TTC28: variants seen among roughly 807,000 people sequenced by gnomAD.
The protein encoded by TTC28 is tetratricopeptide repeat protein 28.
In TTC28, 61 loss-of-function variants were observed where a neutral mutation model predicts 198.0. That is an observed-to-expected ratio of 0.31 (90% CI 0.25 to 0.38). The LOEUF is 0.38. Ranked by LOEUF, TTC28 falls within the 10% of genes least tolerant of loss-of-function variation. The pLI is 1.00. For missense variants in TTC28, 2,678 were observed against 3,164.0 expected (o/e 0.85, Z 3.69); for synonymous variants, 1,171 against 1,297.8 (o/e 0.90, Z 2.10).
chr22:28,341,898 G>A (rs765581997), intron 2 of TTC28, among the ~76,000 whole-genome samples: 2 of 152,090 alleles, frequency 1.3e-5, no homozygotes, highest in Non-Finnish European at 2.9e-5. Flanking sequence ...AAGATGGCTC[G>A]GGCCCAGGAG....
chr22:28,573,651 T>C (rs1232262099), intron 2 of TTC28, among the ~76,000 whole-genome samples: 2 of 152,104 alleles, frequency 1.3e-5, no homozygotes, highest in Non-Finnish European at 2.9e-5. Flanking sequence ...GCAGGGTAAA[T>C]GGGGTATCTA....
chr22:28,605,814 C>T (rs1266357527), intron 2 of TTC28, among the ~76,000 whole-genome samples: 2 of 151,950 alleles, frequency 1.3e-5, no homozygotes, highest in African/African-American at 4.8e-5. Context: ...AAAAAGTATC[C>T]CTTTTTAGGA....
chr22:28,337,074 T>C (rs1194849134), intron 2 of TTC28, among the ~76,000 whole-genome samples: 1 of 152,228 alleles, frequency 6.6e-6, no homozygotes. Flanking sequence ...AACATCTTTA[T>C]TTCTGCCTTC....
chr22:28,274,451 TA>T (rs572032191), intron 5 of TTC28, among the ~76,000 whole-genome samples: 17 of 152,284 alleles, frequency 1.1e-4, no homozygotes, highest in African/African-American at 3.8e-4. Context: ...CAAAAGACAC[TA>T]AGGGATGAGA....
intron 2 of TTC28, among the ~76,000 whole-genome samples, chr22:28,312,630 G>C (rs1601614135): frequency 1.3e-5 from 2 of 152,144 alleles, no homozygotes; most frequent in East Asian, 3.9e-4. Context: ...ATAACAAAAT[G>C]AAGGCAGAAA....
chr22:28,058,444 C>T (rs192085379), intron 12 of TTC28, among the ~76,000 whole-genome samples: 52 of 152,092 alleles, frequency 3.4e-4, no homozygotes, highest in Non-Finnish European at 1.5e-5. Flanking sequence ...GCAAAGTATA[C>T]TAACTGATTT....
chr22:28,521,012 G>A lies in TTC28; in HGVS notation c.381+108540C>T, dbSNP rs921575605. 4.6e-5 allele frequency among the ~76,000 whole-genome samples: 7 copies of A among 151,790 alleles called. No homozygotes were observed. In the South Asian group the frequency reaches 6.2e-4, roughly 14 times the overall value. ...AGGTTGCAGTGAGCCAAAATGTGCC[G>A]CTGCACTCCAGCCTGGGTGACAGGG... On this transcript the variant is annotated intron_variant, in intron 2 of 22. Transcript: ENST00000397906.
chr22:28,426,313 A>G (rs988267988), intron 2 of TTC28, among the ~76,000 whole-genome samples: 6 of 152,156 alleles, frequency 3.9e-5, no homozygotes, highest in Admixed American at 3.3e-4. Flanking sequence ...AAACAACAAC[A>G]AAACCTTCCT....
chr22:28,621,771 G>GAAAGA (rs1422949740), intron 2 of TTC28, among the ~76,000 whole-genome samples: 2 of 141,348 alleles, frequency 1.4e-5, no homozygotes, highest in South Asian at 2.2e-4. Context: ...AAGAAAGAAA[G>GAAAGA]AAAGAAAAGA....
At chr22:28,383,433 T>C (rs556745462) in intron 2 of TTC28, among the ~76,000 whole-genome samples, 1 of 152,286 alleles carries the variant, frequency 6.6e-6, no homozygotes, top group South Asian at 2.1e-4. Flanking sequence ...ATAATATACA[T>C]CTCACAAATT....
At chr22:28,042,462 A>G (rs1449955546) in intron 12 of TTC28, among the ~76,000 whole-genome samples, 1 of 152,098 alleles carries the variant, frequency 6.6e-6, no homozygotes, top group Non-Finnish European at 1.5e-5. Context: ...CCATCATTCT[A>G]AGCAAACTAT....
At chr22:28,235,625 A>C (rs1929185152) in intron 5 of TTC28, among the ~76,000 whole-genome samples, 1 of 152,240 alleles carries the variant, frequency 6.6e-6, no homozygotes, top group South Asian at 2.1e-4. Flanking sequence ...CATGAAGTCC[A>C]GAACACACAC....
intron 9 of TTC28, 64 bp downstream of exon 9, chr22:28,101,107 T>G: frequency 1.6e-6 from 2 of 1,249,556 alleles, no homozygotes; most frequent in Non-Finnish European, 2.3e-6. Context: ...ACTAGGACAG[T>G]AATCCTAAAG....
At chr22:28,437,374 C>A (rs1417735964) in intron 2 of TTC28, among the ~76,000 whole-genome samples, 2 of 152,110 alleles carry the variant, frequency 1.3e-5, no homozygotes, top group Non-Finnish European at 2.9e-5. Flanking sequence ...TGAGCCACTG[C>A]ACCCAGCTCT....
chr22:28,622,197 G>T (rs2051011225), intron 2 of TTC28, among the ~76,000 whole-genome samples: 1 of 152,176 alleles, frequency 6.6e-6, no homozygotes, highest in African/African-American at 2.4e-5. Context: ...TTTCTGGCCT[G>T]AGGAACTAGA....
chr22:28,636,374 G>C (rs1289795530), intron 1 of TTC28, among the ~76,000 whole-genome samples: 1 of 151,992 alleles, frequency 6.6e-6, no homozygotes, highest in East Asian at 1.9e-4. Context: ...TGATCCGCCT[G>C]ACTCGGCCTC....
chr22:28,524,993 A>T (rs1473152591), intron 2 of TTC28, among the ~76,000 whole-genome samples: 1 of 152,210 alleles, frequency 6.6e-6, no homozygotes. Context: ...AATAACCATA[A>T]AATGTGTTCA....
chr22:28,480,054 A>G (rs2048222833), intron 2 of TTC28, among the ~76,000 whole-genome samples: 1 of 152,230 alleles, frequency 6.6e-6, no homozygotes, highest in Non-Finnish European at 1.5e-5. Flanking sequence ...CTCCTATCAC[A>G]GAAGATGAGG....
chr22:28,147,297 G>A (rs1329898716), intron 6 of TTC28, among the ~76,000 whole-genome samples: 5 of 152,178 alleles, frequency 3.3e-5, no homozygotes, highest in African/African-American at 1.2e-4. Context: ...GTCTCTTGTG[G>A]ATTTCATGCT....
Sources: gnomAD v4.1 joint callset for allele counts (sites outside exome capture counted in the v4.1 genomes callset) on GRCh38, gnomAD v4.1.1 for gene constraint, MANE v1.5 for transcripts, NCBI Gene and HGNC (gene_info 2026-07-23, HGNC 2026-07-21) for gene names.